The following TIAM1 variants were observed in gnomAD, a reference collection of about 807,000 sequenced individuals.
The protein encoded by TIAM1 is rho guanine nucleotide exchange factor TIAM1.
In TIAM1, 65 loss-of-function variants were observed where a neutral mutation model predicts 163.5. That is an observed-to-expected ratio of 0.40 (90% confidence interval 0.33 to 0.49). The LOEUF is 0.49. Among genes scored for constraint, TIAM1 ranks in the 20% least tolerant of loss-of-function variants. The pLI is 0.77. For missense variants in TIAM1, 1,789 were observed against 2,044.7 expected (o/e 0.87, Z 2.41); for synonymous variants, 833 against 810.1 (o/e 1.03, Z -0.48).
Position 31,120,978 on chromosome 21 carries a change from C to A in TIAM1, c.4307-141G>T. 1 of 746,276 alleles carries A rather than the reference C, an allele frequency of 1.3e-6. No individual in the cohort carries two copies. The highest frequency in any genetic ancestry group is 2.1e-6 in the Non-Finnish European group (1 of 470,262). 46.2% of individuals were successfully genotyped at this position (746,276 alleles called of 1,614,324 possible). A position where few individuals can be genotyped will look rare whatever the true frequency, so the allele number is the denominator to read the frequency against. On this transcript the variant is annotated intron_variant, in intron 27 of 27. Coordinates refer to ENST00000541036, the MANE Select transcript of TIAM1 (RefSeq NM_001353694.2). The surrounding 1 kb of genome is among the most constrained non-coding windows in gnomAD (Gnocchi z 4.2). ...CTTGATGTCTTTTGGGGCTTAAAGT[C>A]TACATATCACCAATCTGTCATGGAG...
chr21:31,303,805 T>C (rs770864494), intron 2 of TIAM1, among the ~76,000 whole-genome samples: 6 of 151,806 alleles, frequency 4.0e-5, no homozygotes, highest in Non-Finnish European at 7.4e-5. Flanking sequence ...TAGTGAAACC[T>C]TGTCTCTACT....
chr21:31,471,131 C>T (rs980021949), intron 1 of TIAM1, among the ~76,000 whole-genome samples: 2 of 152,148 alleles, frequency 1.3e-5, no homozygotes, highest in African/African-American at 4.8e-5. Context: ...AGGCAGCAAA[C>T]CAGGAGGGAA....
Position 31,278,993 on chromosome 21 carries a change from G to A in TIAM1, c.-188-2085C>T, listed in dbSNP as rs555253308. Reference sequence around the variant, plus strand: ...TGGATTCTTCCTGGCAAAGGAGGCCGGCAGGCGGCTGTCCTTCCACCTGCA... The same window carrying A: ...TGGATTCTTCCTGGCAAAGGAGGCCAGCAGGCGGCTGTCCTTCCACCTGCA... On this transcript the variant is annotated intron_variant, in intron 2 of 27. Transcript: ENST00000541036. Among the ~76,000 whole-genome samples, 11 of 152,216 alleles carry A rather than the reference G, an allele frequency of 7.2e-5. No individual in the cohort carries two copies. In the South Asian group the frequency reaches 1.9e-3, roughly 26 times the overall value.
chr21:31,160,814 A>T, intron 16 of TIAM1: 1 of 284,078 alleles, frequency 3.5e-6, no homozygotes, highest in Non-Finnish European at 6.5e-6. Flanking sequence ...TCAGGCTTTG[A>T]TTTCACCTGG....
At chr21:31,408,834 G>C (rs937267299) in intron 2 of TIAM1, among the ~76,000 whole-genome samples, 8 of 152,154 alleles carry the variant, frequency 5.3e-5, no homozygotes, top group Non-Finnish European at 1.2e-4. Context: ...GGAACTGTTA[G>C]ACATGCACAT....
chr21:31,480,994 G>A (rs184226961), intron 1 of TIAM1, among the ~76,000 whole-genome samples: 17 of 152,202 alleles, frequency 1.1e-4, no homozygotes, highest in Admixed American at 5.9e-4. Context: ...GACCTCATAC[G>A]ATCCACCACT....
chr21:31,464,077 T>A (rs1266113076), intron 1 of TIAM1: 1 of 151,992 alleles, frequency 6.6e-6, no homozygotes, highest in African/African-American at 2.4e-5. Context: ...AACTTCTGAG[T>A]GACAAACAGC....
At chr21:31,416,050 C>A (rs974583342) in intron 2 of TIAM1, among the ~76,000 whole-genome samples, 1 of 152,188 alleles carries the variant, frequency 6.6e-6, no homozygotes, top group African/African-American at 2.4e-5. Context: ...GTGGCTTTAA[C>A]TTTCTGTTAG....
At chr21:31,239,149 G>T (rs1435025513) in intron 6 of TIAM1, among the ~76,000 whole-genome samples, 2 of 151,304 alleles carry the variant, frequency 1.3e-5, no homozygotes, top group Admixed American at 6.6e-5. Flanking sequence ...TTAAGATAGG[G>T]TCTCGCTCTG....
At chr21:31,524,092 G>C (rs886375419) in intron 1 of TIAM1, among the ~76,000 whole-genome samples, 14 of 151,856 alleles carry the variant, frequency 9.2e-5, no homozygotes, top group African/African-American at 3.4e-4. Context: ...AAAAAGCTAA[G>C]ACTCAGGATA....
At chr21:31,517,072 G>T (rs924359362) in intron 1 of TIAM1, among the ~76,000 whole-genome samples, 1 of 146,454 alleles carries the variant, frequency 6.8e-6, no homozygotes, top group Non-Finnish European at 1.5e-5. Flanking sequence ...AAAAAGAAAA[G>T]AAAAGAAAAG....
At position 31,492,776 on chromosome 21, in the gene TIAM1, T is replaced by TACACACAC. The variant is rs3055373; in HGVS notation, c.-421-28749_-421-28742dup. Among the ~76,000 whole-genome samples, 775 of 139,768 alleles carry TACACACAC rather than the reference T, an allele frequency of 5.5e-3. 4 individuals carry two copies. Among genetic ancestry groups the TACACACAC allele is most frequent in the South Asian group, 8.2e-3 (32 of 3,922 alleles). The allele number at this position is 139,768 out of a possible 152,430, so 91.7% of individuals were successfully genotyped here. A position where few individuals can be genotyped will look rare whatever the true frequency, so the allele number is the denominator to read the frequency against. On this transcript the variant is annotated intron_variant, in intron 1 of 28. Transcript: ENST00000286827. ...GATTGAGACCTGAGATATTTTGGGTTACACACACACACACACACACACACA... is the reference window on the plus strand; with the variant it reads ...GATTGAGACCTGAGATATTTTGGGTTACACACACACACACACACACACACACACACACA...
At chr21:31,270,300 A>G (rs1042102509) in intron 3 of TIAM1, among the ~76,000 whole-genome samples, 1 of 152,234 alleles carries the variant, frequency 6.6e-6, no homozygotes, top group Non-Finnish European at 1.5e-5. Context: ...ATCATCACAC[A>G]GTCACTAGGT....
chr21:31,442,064 T>TAAAAAAAAAAAAAAAAA (rs1250832519), intron 2 of TIAM1, among the ~76,000 whole-genome samples: 1 of 84,672 alleles, frequency 1.2e-5, no homozygotes, highest in African/African-American at 5.1e-5. Context: ...TCAGAACAAA[T>TAAAAAAAAAAAAAAAAA]AAATAAATAT....
At chr21:31,497,152 G>A (rs747925992) in intron 1 of TIAM1, among the ~76,000 whole-genome samples, 20 of 152,162 alleles carry the variant, frequency 1.3e-4, no homozygotes, top group Non-Finnish European at 2.4e-4. Flanking sequence ...ATCATCCAGC[G>A]TAGGTGTGTT....
chr21:31,319,388 A>T (rs573189377), intron 2 of TIAM1, among the ~76,000 whole-genome samples: 2 of 152,284 alleles, frequency 1.3e-5, no homozygotes, highest in Admixed American at 6.5e-5. Context: ...ATTCTTTTTC[A>T]CAGTAGCTGT....
chr21:31,463,256 C>T (rs931159275), intron 2 of TIAM1, among the ~76,000 whole-genome samples: 1 of 152,204 alleles, frequency 6.6e-6, no homozygotes. Context: ...CCCAGAGCAG[C>T]CGTGATCAAC....
At chr21:31,204,944 A>G (rs1307322209) in intron 11 of TIAM1, among the ~76,000 whole-genome samples, 2 of 152,212 alleles carry the variant, frequency 1.3e-5, no homozygotes, top group Admixed American at 6.5e-5. Flanking sequence ...TTCACCGAAC[A>G]TGTCCCAGTG....
At chr21:31,274,982 G>C (rs983613862) in intron 3 of TIAM1, among the ~76,000 whole-genome samples, 1 of 150,960 alleles carries the variant, frequency 6.6e-6, no homozygotes, top group Non-Finnish European at 1.5e-5. Flanking sequence ...TGGTGGGGGC[G>C]GGGGGCAGGG....
Sources: allele counts gnomAD v4.1 joint callset (sites outside exome capture counted in the v4.1 genomes callset), GRCh38; gene constraint gnomAD v4.1.1; non-coding constraint Gnocchi (gnomAD v3.1); transcripts MANE v1.5; gene names NCBI Gene and HGNC (gene_info 2026-07-23, HGNC 2026-07-21).